The following IQGAP2 variants were observed in gnomAD, a reference collection of about 807,000 sequenced individuals.
The protein encoded by IQGAP2 is ras GTPase-activating-like protein IQGAP2.
In IQGAP2, 173 loss-of-function variants were observed where a neutral mutation model predicts 201.3. That is an observed-to-expected ratio of 0.86 (90% CI 0.76 to 0.98). The LOEUF is 0.98. Among genes scored for constraint, IQGAP2 ranks in the 50% least tolerant of loss-of-function variants. The probability of loss-of-function intolerance (pLI) is 0.00; values close to 1 mark genes in which losing one functional copy is unlikely to be tolerated. For missense variants in IQGAP2, 1,687 were observed against 1,864.8 expected (o/e 0.90, Z 1.76); for synonymous variants, 675 against 673.9 (o/e 1.00, Z -0.03).
At chr5:76,440,528 G>A (rs753595740) in intron 1 of IQGAP2, among the ~76,000 whole-genome samples, 16 of 152,148 alleles carry the variant, frequency 1.1e-4, no homozygotes, top group Non-Finnish European at 2.1e-4. Context: ...TTGAAAGATA[G>A]GATATTTATT....
chr5:76,611,584 G>A (rs1172883573), intron 13 of IQGAP2, among the ~76,000 whole-genome samples: 1 of 152,182 alleles, frequency 6.6e-6, no homozygotes, highest in Non-Finnish European at 1.5e-5. Flanking sequence ...ACTGATTGAG[G>A]CAGTGGACAT....
chr5:76,522,060 G>A (rs184821011), intron 2 of IQGAP2, among the ~76,000 whole-genome samples: 10 of 152,088 alleles, frequency 6.6e-5, no homozygotes, highest in African/African-American at 2.4e-4. Flanking sequence ...TTATTGGATG[G>A]AAACAGAAAC....
At chr5:76,579,617 G>T (rs1289684223) in intron 5 of IQGAP2, among the ~76,000 whole-genome samples, 1 of 151,886 alleles carries the variant, frequency 6.6e-6, no homozygotes, top group Non-Finnish European at 1.5e-5. Flanking sequence ...TGATGTATTG[G>T]CCTGATCCAT....
intron 12 of IQGAP2, chr5:76,607,649 G>A (rs555629566): frequency 2.0e-5 from 3 of 152,222 alleles, no homozygotes; most frequent in African/African-American, 7.2e-5. Context: ...CGTTAGTCAA[G>A]ACGCAAGCTC....
At chr5:76,593,322 C>G (rs1165923553) in intron 9 of IQGAP2, among the ~76,000 whole-genome samples, 2 of 149,670 alleles carry the variant, frequency 1.3e-5, no homozygotes, top group Non-Finnish European at 1.5e-5. Context: ...CACCACTGCT[C>G]TCTGTGACTT....
intron 13 of IQGAP2, among the ~76,000 whole-genome samples, chr5:76,614,433 T>C (rs775230140): frequency 6.6e-6 from 1 of 152,180 alleles, no homozygotes; most frequent in Non-Finnish European, 1.5e-5. Flanking sequence ...AGATTTAAAA[T>C]ACTGCAGGTC....
intron 15 of IQGAP2, 143 bp downstream of exon 15, chr5:76,632,169 G>A (rs1352828624): frequency 1.5e-6 from 1 of 688,414 alleles, no homozygotes; most frequent in Non-Finnish European, 2.3e-6. Context: ...AGGAAATTAG[G>A]AAAAGTTTTA....
intron 2 of IQGAP2, among the ~76,000 whole-genome samples, chr5:76,479,296 CTGAG>C (rs1221627691): frequency 2.0e-5 from 3 of 152,170 alleles, no homozygotes; most frequent in Admixed American, 6.5e-5. Flanking sequence ...GTTGCTTTGC[CTGAG>C]TGAGTGTTGT....
chr5:76,566,754 C>T (rs72777512), intron 3 of IQGAP2, among the ~76,000 whole-genome samples: 2,484 of 152,062 alleles, frequency 0.016, 44 homozygotes, highest in Non-Finnish European at 0.021. Flanking sequence ...GAGGGAAAAC[C>T]AAGGGTGGAT....
intron 30 of IQGAP2, among the ~76,000 whole-genome samples, chr5:76,691,111 T>G (rs1746222183): frequency 6.6e-6 from 1 of 152,236 alleles, no homozygotes; most frequent in Non-Finnish European, 1.5e-5. Context: ...CCGTCGTCCT[T>G]AAGCACTAGA....
At chr5:76,491,783 C>G (rs1287296807) in intron 2 of IQGAP2, among the ~76,000 whole-genome samples, 1 of 152,216 alleles carries the variant, frequency 6.6e-6, no homozygotes, top group Non-Finnish European at 1.5e-5. Flanking sequence ...CTGTGGTTCT[C>G]TGCCTAATTT....
Position 76,641,044 on chromosome 5 carries a change from G to T in IQGAP2, c.2035G>T (p.Glu679Ter). The change falls in exon 17 of 36, where the codon GAG becomes TAG. Residue 679 changes from glutamate to a stop codon, truncating the protein, a stop_gained. Transcript: ENST00000274364. LOFTEE classifies it high-confidence loss of function. ...ATSSGPILRE[E>*]FEARKSFLHE... is the part of the protein sequence containing the mutation. ...AAGCTCAGGACCCATCCTTAGGGAA[G>T]AGTTTGAAGCTAGAAAATCATTTTT... is the stretch of plus-strand genomic sequence containing the variant. 6.2e-7 allele frequency: 1 copy of T among 1,610,440 alleles called. No homozygotes were observed. The highest frequency in any genetic ancestry group is 8.5e-7 in the Non-Finnish European group (1 of 1,176,990).
chr5:76,631,021 C>T (rs551880901), intron 14 of IQGAP2, among the ~76,000 whole-genome samples: 50 of 152,190 alleles, frequency 3.3e-4, no homozygotes, highest in African/African-American at 2.4e-4. Flanking sequence ...GTTTGATGTA[C>T]GTGTAAGAAA....
chr5:76,508,746 G>GA (rs538408864), intron 2 of IQGAP2, among the ~76,000 whole-genome samples: 127 of 151,476 alleles, frequency 8.4e-4, no homozygotes, highest in African/African-American at 3.0e-3. Context: ...AAATTCATAG[G>GA]AAAAAATACG....
chr5:76,680,684 G>A lies in IQGAP2; in HGVS notation c.3661-2431G>A, dbSNP rs141640438. 3.6e-4 allele frequency among the ~76,000 whole-genome samples: 55 copies of A among 150,922 alleles called. 1 individual carries two copies. In the East Asian group the frequency reaches 8.4e-3, roughly 23 times the overall value. On this transcript the variant is annotated intron_variant, in intron 28 of 35. Transcript: ENST00000274364. Reference sequence around the variant, plus strand: ...TGCATGCCTGTAGTCCTAGCTACTCGAGAGAATGAGACAGGAGGATCCCTT... The same window carrying A: ...TGCATGCCTGTAGTCCTAGCTACTCAAGAGAATGAGACAGGAGGATCCCTT...
At chr5:76,418,249 T>G (rs1751526893) in intron 1 of IQGAP2, among the ~76,000 whole-genome samples, 1 of 151,596 alleles carries the variant, frequency 6.6e-6, no homozygotes, top group Non-Finnish European at 1.5e-5. Flanking sequence ...TCCTTCAACT[T>G]GAAAGGCAAC....
intron 2 of IQGAP2, among the ~76,000 whole-genome samples, chr5:76,470,158 C>T (rs1030294541): frequency 1.3e-5 from 2 of 152,180 alleles, no homozygotes; most frequent in Non-Finnish European, 2.9e-5. Context: ...CCCTCAGTTG[C>T]TCACCACTTG....
intron 30 of IQGAP2, among the ~76,000 whole-genome samples, chr5:76,687,031 T>G (rs1470891394): frequency 6.6e-6 from 1 of 152,262 alleles, no homozygotes; most frequent in Non-Finnish European, 1.5e-5. Context: ...TAATGAGTTT[T>G]GAAATACGGA....
chr5:76,528,243 C>CTCACTG (rs1182943213), intron 2 of IQGAP2, among the ~76,000 whole-genome samples: 1 of 152,208 alleles, frequency 6.6e-6, no homozygotes, highest in Non-Finnish European at 1.5e-5. Flanking sequence ...GTATCCCTCT[C>CTCACTG]TCACTGTCTC....
Sources: allele counts gnomAD v4.1 joint callset (sites outside exome capture counted in the v4.1 genomes callset), GRCh38; gene constraint gnomAD v4.1.1; transcripts MANE v1.5; gene names NCBI Gene and HGNC (gene_info 2026-07-23, HGNC 2026-07-21).